NFATC2: variants seen among roughly 807,000 people sequenced by gnomAD.
NFATC2 encodes the protein nuclear factor of activated T-cells, cytoplasmic 2.
In NFATC2, 22 loss-of-function variants were observed where a neutral mutation model predicts 87.3. The ratio of observed to expected loss-of-function variants is 0.25; its 90% CI spans 0.18 to 0.36. The LOEUF (loss-of-function observed/expected upper bound fraction) is 0.36, where lower values mean the gene tolerates loss of function less well. Ranked by LOEUF, NFATC2 falls within the 10% of genes least tolerant of loss-of-function variation. The pLI is 1.00. For missense variants in NFATC2, 1,149 were observed against 1,259.1 expected, an observed-to-expected ratio of 0.91 and a Z score of 1.32; for synonymous variants, 565 against 542.2, an observed-to-expected ratio of 1.04 and a Z score of -0.58.
intron 6 of NFATC2, among the ~76,000 whole-genome samples, chr20:51,442,251 C>T (rs535278985): frequency 5.9e-5 from 9 of 152,096 alleles, no homozygotes; most frequent in African/African-American, 2.2e-4. Flanking sequence ...GGTCAACATG[C>T]TGAAATCCCG....
intron 9 of NFATC2, among the ~76,000 whole-genome samples, chr20:51,413,583 C>A (rs960925913): frequency 2.0e-5 from 3 of 152,078 alleles, no homozygotes; most frequent in Non-Finnish European, 4.4e-5. Flanking sequence ...CATAGTGAAA[C>A]CCTGTCTTTA....
chr20:51,497,592 T>C (rs999217643), intron 3 of NFATC2, among the ~76,000 whole-genome samples: 1 of 152,126 alleles, frequency 6.6e-6, no homozygotes, highest in African/African-American at 2.4e-5. Context: ...CCTCCCCCCA[T>C]GATAGACGTT....
chr20:51,555,127 C>G (rs560057585), intron 1 of NFATC2, among the ~76,000 whole-genome samples: 234 of 152,328 alleles, frequency 1.5e-3, no homozygotes, highest in Non-Finnish European at 2.8e-3. Context: ...TGGACCACTG[C>G]AGCAGCCTCC....
At chr20:51,429,758 A>C (rs1568963629) in intron 9 of NFATC2, among the ~76,000 whole-genome samples, 1 of 152,218 alleles carries the variant, frequency 6.6e-6, no homozygotes. Flanking sequence ...AACTTGGTTT[A>C]ACCTAGTTTT....
upstream of NFATC2, among the ~76,000 whole-genome samples, chr20:51,547,089 G>A (rs951746156): frequency 1.3e-5 from 2 of 152,148 alleles, no homozygotes; most frequent in Non-Finnish European, 2.9e-5. Flanking sequence ...ACTGGAGAGT[G>A]TTAGGCAGCA....
At chr20:51,503,536 G>A (rs936962062) in intron 3 of NFATC2, among the ~76,000 whole-genome samples, 12 of 152,136 alleles carry the variant, frequency 7.9e-5, no homozygotes, top group African/African-American at 2.7e-4. Flanking sequence ...TGGAGGAGGC[G>A]GGCATCGGAG....
chr20:51,500,182 G>A (rs1329010913), intron 3 of NFATC2, among the ~76,000 whole-genome samples: 4 of 152,024 alleles, frequency 2.6e-5, no homozygotes, highest in South Asian at 2.1e-4. Flanking sequence ...GATAACCAGA[G>A]CCCTCAGTAA....
chr20:51,439,622 G>C (rs960609683), intron 6 of NFATC2, among the ~76,000 whole-genome samples: 2 of 152,200 alleles, frequency 1.3e-5, no homozygotes, highest in African/African-American at 4.8e-5. Context: ...CAGGGGGAAA[G>C]TCCTGCCCTC....
chr20:51,561,877 C>T (rs58977805), intron 1 of NFATC2, among the ~76,000 whole-genome samples: 2,063 of 152,194 alleles, frequency 0.014, 45 homozygotes, highest in African/African-American at 0.046. Flanking sequence ...AACCCCCTCC[C>T]ATAAGATCCA....
chr20:51,408,462 C>T (rs868297563), intron 9 of NFATC2, among the ~76,000 whole-genome samples: 61 of 144,910 alleles, frequency 4.2e-4, no homozygotes, highest in Middle Eastern at 7.1e-3. Flanking sequence ...TGCAGTGAGC[C>T]GAGATCGCGC....
At chr20:51,559,452 A>C (rs2077004120) in intron 1 of NFATC2, among the ~76,000 whole-genome samples, 1 of 152,222 alleles carries the variant, frequency 6.6e-6, no homozygotes, top group African/African-American at 2.4e-5. Flanking sequence ...GGTATAAAAA[A>C]TTATGATGAT....
chr20:51,548,675 C>T (rs1353715492), intron 1 of NFATC2, among the ~76,000 whole-genome samples: 1 of 152,212 alleles, frequency 6.6e-6, no homozygotes, highest in Non-Finnish European at 1.5e-5. Flanking sequence ...GCAACCCCAG[C>T]TGTATCCCCA....
intron 5 of NFATC2, among the ~76,000 whole-genome samples, chr20:51,473,674 A>G (rs1018049481): frequency 1.3e-5 from 2 of 152,256 alleles, no homozygotes; most frequent in African/African-American, 4.8e-5. Context: ...CTATCCTTTA[A>G]GACCAGAATG....
At chr20:51,519,781 T>C (rs1321012409) in intron 2 of NFATC2, among the ~76,000 whole-genome samples, 3 of 143,956 alleles carry the variant, frequency 2.1e-5, no homozygotes, top group African/African-American at 7.7e-5. Flanking sequence ...CCAGGTGTGG[T>C]GGCAGGTGCC....
chr20:51,398,570 TAAAAAA>T (rs11086333), intron 10 of NFATC2, 67 bp downstream of exon 10: 2 of 854,760 alleles, frequency 2.3e-6, no homozygotes, highest in South Asian at 4.1e-5. Flanking sequence ...ATACTTTACT[TAAAAAA>T]AAAAAAATTC....
intron 1 of NFATC2, among the ~76,000 whole-genome samples, chr20:51,527,468 C>A (rs565958210): frequency 2.0e-5 from 3 of 152,122 alleles, no homozygotes; most frequent in African/African-American, 7.2e-5. Context: ...TGGAGTGCTC[C>A]GTTTCCCTCG....
In NFATC2 at chr20:51,432,518, G is replaced by C; in HGVS notation, c.2271C>G (p.Ser757Arg). 1.3e-6 allele frequency: 2 copies of C among 1,556,428 alleles called. No homozygotes were observed. The highest frequency in any genetic ancestry group is 1.7e-6 in the Non-Finnish European group (2 of 1,153,286). Reference protein sequence around the residue: ...PAAVLYQRSKSLSPSLLGYQQ... With the variant: ...PAAVLYQRSKRLSPSLLGYQQ... Reference sequence around the variant, plus strand: ...GATAGCCCAGCAGGCTGGGGCTCAGGCTCTTGCTCCGCTGGTAGAGTACGG... The same window carrying C: ...GATAGCCCAGCAGGCTGGGGCTCAGCCTCTTGCTCCGCTGGTAGAGTACGG... The change falls in exon 9 of 11, where the codon AGC (serine) becomes AGG (arginine). Residue 757 changes from serine (S) to arginine (R), a missense_variant. By Grantham distance (110) the Ser-to-Arg change is moderately radical. Coordinates refer to ENST00000371564, the MANE Select transcript of NFATC2 (RefSeq NM_012340.5). The surrounding 1 kb of genome is among the most constrained non-coding windows in gnomAD (Gnocchi z 4.6).
At position 51,389,441 on chromosome 20, in the gene NFATC2, T is replaced by TTGC. The variant is rs1402859983; in HGVS notation, c.*2052_*2054dup. 2 of 152,210 alleles carry TTGC rather than the reference T, an allele frequency of 1.3e-5. No homozygotes were observed. The highest frequency in any genetic ancestry group is 2.9e-5 in the Non-Finnish European group (2 of 68,020). The allele number at this position is 152,210 out of a possible 1,614,324, so 9.4% of individuals were successfully genotyped here. ...TGGCTTTTCCCCAGTGAAGTCAATA[T>TTGC]TGCTGGAGAGAAAATTCTTTAGGTG... On this transcript the variant is annotated 3_prime_UTR_variant, in exon 11 of 11. Coordinates refer to ENST00000371564, the MANE Select transcript of NFATC2 (RefSeq NM_012340.5).
intron 6 of NFATC2, among the ~76,000 whole-genome samples, chr20:51,449,678 G>A (rs1367731073): frequency 2.0e-5 from 3 of 152,186 alleles, no homozygotes; most frequent in Non-Finnish European, 2.9e-5. Context: ...AGTCCAAGGT[G>A]TGGGGTCTAG....
Sources: allele counts gnomAD v4.1 joint callset (sites outside exome capture counted in the v4.1 genomes callset), GRCh38; gene constraint gnomAD v4.1.1; non-coding constraint Gnocchi (gnomAD v3.1); transcripts MANE v1.5; gene names NCBI Gene and HGNC (gene_info 2026-07-23, HGNC 2026-07-21).